FHIT: variants seen among roughly 807,000 people sequenced by gnomAD.
FHIT encodes the protein fragile histidine triad diadenosine triphosphatase.
Under a neutral mutation model 17.9 loss-of-function variants are expected in FHIT, and 19 were observed. The ratio of observed to expected loss-of-function variants is 1.06; its 90% CI spans 0.74 to 1.56. The LOEUF is 1.56. Among genes scored for constraint, FHIT ranks in the 40% most tolerant of loss-of-function variants. The pLI is 0.00. For missense variants in FHIT, 248 were observed against 189.2 expected, an observed-to-expected ratio of 1.31 and a Z score of -1.82; for synonymous variants, 81 against 69.7, an observed-to-expected ratio of 1.16 and a Z score of -0.81.
intron 5 of FHIT, among the ~76,000 whole-genome samples, chr3:60,375,111 A>C (rs918139775): frequency 3.9e-5 from 6 of 152,030 alleles, no homozygotes; most frequent in Admixed American, 1.3e-4. Flanking sequence ...TTTGAAAAAA[A>C]AAAAACAAAA....
chr3:60,561,108 T>A (rs1191323037), intron 4 of FHIT, among the ~76,000 whole-genome samples: 1 of 152,030 alleles, frequency 6.6e-6, no homozygotes, highest in Non-Finnish European at 1.5e-5. Context: ...AAGATTTTTT[T>A]AATGTATCTT....
intron 8 of FHIT, among the ~76,000 whole-genome samples, chr3:59,920,447 A>C (rs1390905285): frequency 2.6e-5 from 4 of 152,214 alleles, no homozygotes; most frequent in Non-Finnish European, 5.9e-5. Context: ...TGGGGCCATC[A>C]GAGCATGCAG....
At chr3:60,249,076 G>A (rs963201690) in intron 5 of FHIT, among the ~76,000 whole-genome samples, 1 of 151,954 alleles carries the variant, frequency 6.6e-6, no homozygotes, top group Non-Finnish European at 1.5e-5. Context: ...TCCTAATGAG[G>A]GCTCCATAAA....
At chr3:60,880,407 T>C (rs1704905930) in intron 3 of FHIT, among the ~76,000 whole-genome samples, 1 of 152,188 alleles carries the variant, frequency 6.6e-6, no homozygotes, top group Non-Finnish European at 1.5e-5. Context: ...AAAATGATTA[T>C]CACTACTAAG....
intron 4 of FHIT, among the ~76,000 whole-genome samples, chr3:60,677,353 A>G (rs545753139): frequency 6.6e-6 from 1 of 152,088 alleles, no homozygotes; most frequent in East Asian, 1.9e-4. Flanking sequence ...ATTATTCTAT[A>G]CTCTATGTCT....
chr3:60,431,228 AAG>A (rs1227192931), intron 5 of FHIT, among the ~76,000 whole-genome samples: 1 of 138,824 alleles, frequency 7.2e-6, no homozygotes, highest in Non-Finnish European at 1.6e-5. Context: ...AAAAAAAAAA[AAG>A]AATGACCATT....
At chr3:60,531,889 CT>C (rs1559517729) in intron 5 of FHIT, among the ~76,000 whole-genome samples, 1 of 152,108 alleles carries the variant, frequency 6.6e-6, no homozygotes, top group Non-Finnish European at 1.5e-5. Context: ...TCAGAGTTTT[CT>C]TTTTTACCTT....
At chr3:60,507,363 G>A (rs1229006701) in intron 5 of FHIT, among the ~76,000 whole-genome samples, 2 of 152,170 alleles carry the variant, frequency 1.3e-5, no homozygotes, top group East Asian at 3.9e-4. Flanking sequence ...CTGGCATGTG[G>A]TGAGATTAGA....
chr3:61,157,113 C>T lies in FHIT; in HGVS notation c.-164+43504G>A, dbSNP rs576518772. 7.2e-5 allele frequency among the ~76,000 whole-genome samples: 11 copies of T among 152,194 alleles called. No individual in the cohort carries two copies. In the South Asian group the frequency reaches 1.5e-3, roughly 20 times the overall value. The stretch of plus-strand genomic sequence containing the variant: ...ATATTCAACTACTGAAAATACCATA[C>T]GACAACAGAGAGAATAAACATATAT... On this transcript the variant is annotated intron_variant, in intron 2 of 9. Coordinates refer to ENST00000492590, the MANE Select transcript of FHIT (RefSeq NM_002012.4).
At chr3:61,087,719 T>C (rs1177777389) in intron 2 of FHIT, among the ~76,000 whole-genome samples, 1 of 152,068 alleles carries the variant, frequency 6.6e-6, no homozygotes, top group Non-Finnish European at 1.5e-5. Context: ...ACGCACAAAA[T>C]TACATGTTGT....
At chr3:60,558,444 T>C (rs550730368) in intron 4 of FHIT, among the ~76,000 whole-genome samples, 96 of 151,872 alleles carry the variant, frequency 6.3e-4, no homozygotes, top group African/African-American at 2.3e-3. Context: ...CAGAGTCATA[T>C]AGGGAGCTCA....
chr3:60,890,049 C>A (rs1029721932), intron 3 of FHIT, among the ~76,000 whole-genome samples: 8 of 152,038 alleles, frequency 5.3e-5, no homozygotes, highest in Non-Finnish European at 8.8e-5. Context: ...ATGCTTAATA[C>A]ATCAGTAAAA....
At chr3:60,573,756 A>G (rs894843676) in intron 4 of FHIT, among the ~76,000 whole-genome samples, 2 of 152,058 alleles carry the variant, frequency 1.3e-5, no homozygotes, top group African/African-American at 4.8e-5. Context: ...AGAGAAAACG[A>G]AAGAGTCTGC....
chr3:60,630,908 A>T (rs1246317989), intron 4 of FHIT, among the ~76,000 whole-genome samples: 13 of 150,384 alleles, frequency 8.6e-5, no homozygotes, highest in African/African-American at 3.2e-4. Context: ...CCACATGTCA[A>T]ATTTACTCAC....
At chr3:60,348,938 G>A (rs1710935473) in intron 5 of FHIT, among the ~76,000 whole-genome samples, 1 of 152,188 alleles carries the variant, frequency 6.6e-6, no homozygotes, top group African/African-American at 2.4e-5. Flanking sequence ...AGCTAACCCT[G>A]ACATGTGATT....
intron 5 of FHIT, among the ~76,000 whole-genome samples, chr3:60,488,859 A>C (rs1198846576): frequency 6.6e-6 from 1 of 152,240 alleles, no homozygotes; most frequent in African/African-American, 2.4e-5. Context: ...CTTGGTGTTA[A>C]GTTTTTATGT....
intron 5 of FHIT, among the ~76,000 whole-genome samples, chr3:60,424,932 T>A (rs991853696): frequency 6.6e-6 from 1 of 152,192 alleles, no homozygotes; most frequent in East Asian, 1.9e-4. Context: ...ACCTTCTGCA[T>A]GGATTAATAA....
intron 5 of FHIT, among the ~76,000 whole-genome samples, chr3:60,332,811 C>A (rs1259780783): frequency 6.6e-6 from 1 of 152,146 alleles, no homozygotes; most frequent in Non-Finnish European, 1.5e-5. Flanking sequence ...ACAAAGATGA[C>A]AGAAATCAAG....
intron 3 of FHIT, among the ~76,000 whole-genome samples, chr3:60,927,058 T>G (rs1553770167): frequency 6.6e-6 from 1 of 152,228 alleles, no homozygotes; most frequent in African/African-American, 2.4e-5. Context: ...TTGCCGAGGC[T>G]GGACTGTACT....
Sources: allele counts gnomAD v4.1 joint callset (sites outside exome capture counted in the v4.1 genomes callset), GRCh38; gene constraint gnomAD v4.1.1; transcripts MANE v1.5; gene names NCBI Gene and HGNC (gene_info 2026-07-23, HGNC 2026-07-21).